Variants in LDHC observed in about 807,000 individuals in gnomAD.
LDHC encodes the protein lactate dehydrogenase C.
LDHC carries 20 observed loss-of-function variants against 30.2 expected under a neutral mutation model. The ratio of observed to expected loss-of-function variants is 0.66; its 90% CI spans 0.47 to 0.96. The LOEUF is 0.96. Ranked by LOEUF, LDHC falls within the 40% of genes least tolerant of loss-of-function variation. The pLI, the probability that LDHC is intolerant of heterozygous loss-of-function variation, is 0.00. For missense variants in LDHC, 362 were observed against 394.9 expected, an observed-to-expected ratio of 0.92 and a Z score of 0.71; for synonymous variants, 139 against 132.7, an observed-to-expected ratio of 1.05 and a Z score of -0.32.
At position 18,420,735 on chromosome 11, in the gene LDHC, A is replaced by ACAAAAGT. The variant is rs1211826459; in HGVS notation, c.244+5435_244+5441dup. ...CTGTCAGGCCCTCCCTAAAGGAAAC[A>ACAAAAGT]CAAAAGTATATATATCAGGCAAAAG... On this transcript the variant is annotated intron_variant, in intron 3 of 7. Coordinates refer to ENST00000541669, the MANE Select transcript of LDHC (RefSeq NM_017448.5). 3.9e-5 allele frequency among the ~76,000 whole-genome samples: 6 copies of ACAAAAGT among 152,056 alleles called. No homozygotes were observed. The East Asian group carries it at 1.2e-3, about 29-fold the overall frequency.
chr11:18,442,361 A>T (rs1390959419), intron 6 of LDHC, among the ~76,000 whole-genome samples: 1 of 152,140 alleles, frequency 6.6e-6, no homozygotes, highest in Non-Finnish European at 1.5e-5. Context: ...TCCACTGTTA[A>T]CCCTTTACCC....
chr11:18,425,676 A>G (rs111605282), intron 3 of LDHC, among the ~76,000 whole-genome samples: 18,171 of 152,154 alleles, frequency 0.12, 1,160 homozygotes, highest in Middle Eastern at 0.19. Flanking sequence ...GTGGTGGCTC[A>G]CGCCTGTAAT....
intron 3 of LDHC, among the ~76,000 whole-genome samples, chr11:18,428,703 C>T (rs974082141): frequency 1.3e-5 from 2 of 151,750 alleles, no homozygotes; most frequent in African/African-American, 2.4e-5. Context: ...GGTGAAACCC[C>T]GTCTCTACCA....
intron 6 of LDHC, among the ~76,000 whole-genome samples, chr11:18,445,419 G>A (rs1053804459): frequency 6.6e-6 from 1 of 152,116 alleles, no homozygotes; most frequent in South Asian, 2.1e-4. Flanking sequence ...GGCTGGTCTC[G>A]AACTTCTGAC....
intron 3 of LDHC, among the ~76,000 whole-genome samples, chr11:18,422,762 C>T (rs1014620604): frequency 3.3e-5 from 5 of 151,694 alleles, no homozygotes; most frequent in Admixed American, 1.3e-4. Flanking sequence ...GCGGGAGTAT[C>T]GCTTGAGTGG....
chr11:18,416,889 CTTAT>C (rs1325219813), intron 3 of LDHC, among the ~76,000 whole-genome samples: 1 of 149,204 alleles, frequency 6.7e-6, no homozygotes, highest in Non-Finnish European at 1.5e-5. Context: ...TATTTATTTA[CTTAT>C]TTATTTTTGA....
At chr11:18,426,296 G>A (rs563856430) in intron 3 of LDHC, among the ~76,000 whole-genome samples, 24 of 152,236 alleles carry the variant, frequency 1.6e-4, no homozygotes, top group Middle Eastern at 6.8e-3. Flanking sequence ...GGAGCCCGAG[G>A]CAGGTGGATC....
chr11:18,415,181 T>C lies in LDHC; in HGVS notation c.127-3T>C. The C allele has an allele frequency of 6.4e-7, 1 of 1,550,674 alleles. No homozygotes were observed. The highest frequency in any genetic ancestry group is 8.9e-7 in the Non-Finnish European group (1 of 1,129,704). On this transcript the variant is annotated splice_region_variant and splice_polypyrimidine_tract_variant and intron_variant, in intron 2 of 7. Transcript: ENST00000541669. ...TTTTATTCAGAACTTTTGTATATTT[T>C]AGGATTTGGCTGATGAACTTGCCCT... is the stretch of plus-strand genomic sequence containing the variant.
chr11:18,438,377 A>G (rs368997270), intron 5 of LDHC, 151 bp from the exon 6 acceptor site: 14 of 578,734 alleles, frequency 2.4e-5, no homozygotes, highest in East Asian at 2.0e-4. Context: ...CCCACCCCCA[A>G]CACTAGCGGT....
intron 3 of LDHC, among the ~76,000 whole-genome samples, chr11:18,419,924 T>G (rs967455542): frequency 3.9e-5 from 6 of 152,102 alleles, no homozygotes; most frequent in Non-Finnish European, 7.3e-5. Context: ...AAAACCTGTC[T>G]CTACTAAAAA....
At chr11:18,427,677 ATT>A (rs34480310) in intron 3 of LDHC, among the ~76,000 whole-genome samples, 20,698 of 129,960 alleles carry the variant, frequency 0.16, 1,533 homozygotes, top group Middle Eastern at 0.22. Context: ...TTGGAGCCAG[ATT>A]TTTTTTTTTT....
chr11:18,444,604 G>GTATATATATATATATATATA (rs60764598), intron 6 of LDHC, among the ~76,000 whole-genome samples: 8 of 89,370 alleles, frequency 9.0e-5, no homozygotes, highest in South Asian at 5.0e-4. Flanking sequence ...TGTTCAGGTG[G>GTATATATATATATATATATA]TATATATATA....
At chr11:18,448,926 C>G (rs943774904) in intron 7 of LDHC, among the ~76,000 whole-genome samples, 3 of 152,072 alleles carry the variant, frequency 2.0e-5, no homozygotes, top group African/African-American at 7.2e-5. Flanking sequence ...AGTTAGCACA[C>G]AGGGCCAGGC....
Position 18,452,026 on chromosome 11 carries a change from C to T in LDHC, c.*899C>T, listed in dbSNP as rs1336548572. 1.3e-5 allele frequency: 2 copies of T among 152,186 alleles called. No homozygotes were observed. The highest frequency in any genetic ancestry group is 4.8e-5 in the African/African-American group (2 of 41,456). 9.4% of individuals were successfully genotyped at this position (152,186 alleles called of 1,614,324 possible). A position where few individuals can be genotyped will look rare whatever the true frequency, so the allele number is the denominator to read the frequency against. ...TAAAAAATCTAAATAAGATTGTATT[C>T]AACTCTGCAAGTATTATACTAGTCA... is the stretch of plus-strand genomic sequence containing the variant. On this transcript the variant is annotated 3_prime_UTR_variant, in exon 8 of 8. Transcript: ENST00000541669.
intron 5 of LDHC, among the ~76,000 whole-genome samples, chr11:18,438,270 A>T (rs1848393396): frequency 6.6e-6 from 1 of 152,160 alleles, no homozygotes; most frequent in Admixed American, 6.6e-5. Flanking sequence ...ACTTTTAAAC[A>T]ACCAGATCTC....
intron 6 of LDHC, among the ~76,000 whole-genome samples, chr11:18,444,651 C>CATATATATAT (rs1848524997): frequency 1.3e-5 from 1 of 78,094 alleles, no homozygotes; most frequent in Non-Finnish European, 3.0e-5. Flanking sequence ...TATATATATG[C>CATATATATAT]CTTATCTTGG....
At chr11:18,439,288 C>T (rs764849429) in intron 6 of LDHC, among the ~76,000 whole-genome samples, 31 of 152,068 alleles carry the variant, frequency 2.0e-4, no homozygotes, top group Admixed American at 2.6e-4. Flanking sequence ...ATTGGCTGGG[C>T]GGGGTGGCTC....
In LDHC at chr11:18,440,015, T is replaced by C. The variant is rs188272140; in HGVS notation, c.710+1370T>C. On this transcript the variant is annotated intron_variant, in intron 6 of 7. Coordinates refer to ENST00000541669, the MANE Select transcript of LDHC (RefSeq NM_017448.5). ...TCAGAAAAAAGATAAATAAATAAAA[T>C]AATAGGCTGGGCGCAGTGGCTTATG... 6.7e-3 allele frequency among the ~76,000 whole-genome samples: 1,002 copies of C among 149,340 alleles called. 13 individuals are homozygous for C. The highest frequency in any genetic ancestry group is 0.023 in the African/African-American group (926 of 40,672).
At chr11:18,449,126 C>G (rs1848606343) in intron 7 of LDHC, among the ~76,000 whole-genome samples, 2 of 151,976 alleles carry the variant, frequency 1.3e-5, no homozygotes, top group South Asian at 2.1e-4. Flanking sequence ...ACTTCTTCCC[C>G]TGCCACCATC....
Sources: gnomAD v4.1 joint callset for allele counts (sites outside exome capture counted in the v4.1 genomes callset) on GRCh38, gnomAD v4.1.1 for gene constraint, MANE v1.5 for transcripts, NCBI Gene and HGNC (gene_info 2026-07-23, HGNC 2026-07-21) for gene names.